The following PPM1L variants were observed in gnomAD, a reference collection of about 807,000 sequenced individuals.
The protein encoded by PPM1L is protein phosphatase 1L.
Under a neutral mutation model 31.4 loss-of-function variants are expected in PPM1L, and 13 were observed. That is an observed-to-expected ratio of 0.41 (90% confidence interval 0.27 to 0.66). PPM1L has a LOEUF of 0.66. Ranked by LOEUF, PPM1L falls within the 30% of genes least tolerant of loss-of-function variation. PPM1L has a pLI of 0.29. For missense variants in PPM1L, 326 were observed against 453.7 expected, an observed-to-expected ratio of 0.72 and a Z score of 2.56; for synonymous variants, 184 against 175.4, an observed-to-expected ratio of 1.05 and a Z score of -0.39.
chr3:160,760,723 T>G (rs1472250075), intron 1 of PPM1L, among the ~76,000 whole-genome samples: 3 of 148,570 alleles, frequency 2.0e-5, no homozygotes, highest in Non-Finnish European at 3.0e-5. Context: ...TTTTTTTTTG[T>G]TTTTTTTTTT....
At position 160,966,639 on chromosome 3, in the gene PPM1L, T is replaced by C. The variant is rs200593066; in HGVS notation, c.574+4729T>C. Among the ~76,000 whole-genome samples the C allele has an allele frequency of 2.6e-5, 4 of 152,274 alleles. 1 individual carries two copies. The highest frequency in any genetic ancestry group is 9.6e-5 in the African/African-American group (4 of 41,570). On this transcript the variant is annotated intron_variant, in intron 2 of 3. Coordinates refer to ENST00000498165, the MANE Select transcript of PPM1L (RefSeq NM_139245.4). ...AAATATGGGATTCATTTGTCTGCAT[T>C]TTATATTACTCTAGAGGATAGACTT...
intron 1 of PPM1L, among the ~76,000 whole-genome samples, chr3:160,912,765 T>C (rs1024890556): frequency 2.6e-5 from 4 of 152,194 alleles, no homozygotes; most frequent in African/African-American, 7.2e-5. Flanking sequence ...TAAGAAATTA[T>C]GAAGTTTAGA....
intron 2 of PPM1L, among the ~76,000 whole-genome samples, chr3:161,020,194 T>C (rs898958531): frequency 6.6e-6 from 1 of 152,056 alleles, no homozygotes; most frequent in Non-Finnish European, 1.5e-5. Flanking sequence ...TTTTATACTC[T>C]AATATATACT....
chr3:160,772,138 A>G (rs1715274088), intron 1 of PPM1L, among the ~76,000 whole-genome samples: 1 of 152,200 alleles, frequency 6.6e-6, no homozygotes, highest in African/African-American at 2.4e-5. Flanking sequence ...GCTGCTGAAG[A>G]AGTCATGGGG....
Position 160,840,905 on chromosome 3 carries a change from C to T in PPM1L, c.399+84198C>T, listed in dbSNP as rs1410645602. 5.3e-5 allele frequency among the ~76,000 whole-genome samples: 8 copies of T among 152,226 alleles called. No homozygotes were observed. The East Asian group carries it at 5.8e-4, about 11-fold the overall frequency. On this transcript the variant is annotated intron_variant, in intron 1 of 3. Coordinates refer to ENST00000498165, the MANE Select transcript of PPM1L (RefSeq NM_139245.4). ...GATGGTGCCCACCCACTTTGGGTGA[C>T]GGAGGATCTTCCTTATTGAGTCGAC...
intron 1 of PPM1L, among the ~76,000 whole-genome samples, chr3:160,851,766 G>A (rs1711534051): frequency 6.6e-6 from 1 of 152,076 alleles, no homozygotes; most frequent in African/African-American, 2.4e-5. Context: ...AGGCAAGCCA[G>A]GAAATGGGAA....
At chr3:160,814,928 C>G (rs1166691781) in intron 1 of PPM1L, among the ~76,000 whole-genome samples, 4 of 151,970 alleles carry the variant, frequency 2.6e-5, no homozygotes, top group Non-Finnish European at 5.9e-5. Context: ...CGTATGCTCT[C>G]ACTTATAAAT....
In PPM1L at chr3:160,927,925, T is replaced by G. The variant is rs180782365; in HGVS notation, c.400-33811T>G. The stretch of plus-strand genomic sequence containing the variant: ...GTAAATGTGTATTGAATGAATTAAT[T>G]AAATAGAGAATGAATGACTCCAGAT... On this transcript the variant is annotated intron_variant, in intron 1 of 3. Coordinates refer to ENST00000498165, the MANE Select transcript of PPM1L (RefSeq NM_139245.4). Among the ~76,000 whole-genome samples, 186 of 152,238 alleles carry G rather than the reference T, an allele frequency of 1.2e-3. 1 individual carries two copies. The highest frequency in any genetic ancestry group is 4.3e-3 in the African/African-American group (180 of 41,530).
At chr3:160,797,697 T>C (rs1420021880) in intron 1 of PPM1L, among the ~76,000 whole-genome samples, 1 of 152,188 alleles carries the variant, frequency 6.6e-6, no homozygotes, top group Non-Finnish European at 1.5e-5. Context: ...GGGAAAAGTT[T>C]TAGTGGCCTG....
At chr3:160,920,611 TCTCTCACACACACACACACACACACA>T (rs756386414) in intron 1 of PPM1L, among the ~76,000 whole-genome samples, 6 of 35,584 alleles carry the variant, frequency 1.7e-4, no homozygotes, top group Admixed American at 1.4e-3. Context: ...TCTCTCTCTC[TCTCTCACACACACACACACACACACA>T]CTCACACACA....
chr3:160,838,236 T>C (rs777697817), intron 1 of PPM1L, among the ~76,000 whole-genome samples: 1 of 152,152 alleles, frequency 6.6e-6, no homozygotes, highest in Non-Finnish European at 1.5e-5. Flanking sequence ...CTGGAGAACA[T>C]GGATAATGAA....
intron 1 of PPM1L, among the ~76,000 whole-genome samples, chr3:160,874,513 C>T (rs137959666): frequency 6.6e-6 from 1 of 152,274 alleles, no homozygotes; most frequent in Non-Finnish European, 1.5e-5. Flanking sequence ...CTGACTGATA[C>T]ACTGCGTGAA....
chr3:160,760,278 A>G (rs1403046), intron 1 of PPM1L, among the ~76,000 whole-genome samples: 5,041 of 152,290 alleles, frequency 0.033, 122 homozygotes, highest in Middle Eastern at 0.12. Flanking sequence ...AGAAATTGGT[A>G]TTCTGATTTG....
intron 2 of PPM1L, among the ~76,000 whole-genome samples, chr3:161,013,928 A>G (rs895920142): frequency 1.2e-4 from 19 of 152,074 alleles, no homozygotes; most frequent in Admixed American, 5.9e-4. Context: ...CTGCACATGA[A>G]ATGGGTCTCC....
At chr3:160,782,797 C>T (rs1340865624) in intron 1 of PPM1L, among the ~76,000 whole-genome samples, 1 of 152,178 alleles carries the variant, frequency 6.6e-6, no homozygotes, top group Non-Finnish European at 1.5e-5. Flanking sequence ...GTCATCCTTT[C>T]ACTTTAGAGT....
At chr3:160,956,230 T>G (rs1715770835) in intron 1 of PPM1L, among the ~76,000 whole-genome samples, 1 of 152,216 alleles carries the variant, frequency 6.6e-6, no homozygotes, top group Admixed American at 6.5e-5. Flanking sequence ...AGACTAACGC[T>G]AGAATGGGTA....
intron 1 of PPM1L, among the ~76,000 whole-genome samples, chr3:160,790,257 A>G (rs1224282197): frequency 6.6e-6 from 1 of 152,098 alleles, no homozygotes; most frequent in African/African-American, 2.4e-5. Context: ...TGATTTGTTT[A>G]TTTGACATTA....
chr3:160,789,079 A>G (rs575495114), intron 1 of PPM1L, among the ~76,000 whole-genome samples: 1 of 152,082 alleles, frequency 6.6e-6, no homozygotes, highest in East Asian at 1.9e-4. Flanking sequence ...TTTAATTTAG[A>G]TAAACTGATA....
intron 1 of PPM1L, among the ~76,000 whole-genome samples, chr3:160,786,416 C>T (rs2108070344): frequency 6.6e-6 from 1 of 150,572 alleles, no homozygotes; most frequent in South Asian, 2.1e-4. Flanking sequence ...CAAGGTTTTA[C>T]CATGTTGGCC....
Sources: allele counts gnomAD v4.1 joint callset (sites outside exome capture counted in the v4.1 genomes callset), GRCh38; gene constraint gnomAD v4.1.1; transcripts MANE v1.5; gene names NCBI Gene and HGNC (gene_info 2026-07-23, HGNC 2026-07-21).